The following CDKAL1 variants were observed in gnomAD, a reference collection of about 807,000 sequenced individuals.
CDKAL1 encodes threonylcarbamoyladenosine tRNA methylthiotransferase.
In CDKAL1, 32 loss-of-function variants were observed where a neutral mutation model predicts 68.2. That is an observed-to-expected ratio of 0.47 (90% CI 0.35 to 0.63). The LOEUF is 0.63. Ranked by LOEUF, CDKAL1 falls within the 30% of genes least tolerant of loss-of-function variation. The probability of loss-of-function intolerance (pLI) is 0.00; values close to 1 mark genes in which losing one functional copy is unlikely to be tolerated. For missense variants in CDKAL1, 606 were observed against 696.7 expected, an observed-to-expected ratio of 0.87 and a Z score of 1.47; for synonymous variants, 234 against 244.3, an observed-to-expected ratio of 0.96 and a Z score of 0.39.
chr6:21,145,046 G>T lies in CDKAL1; in HGVS notation c.1299+36583G>T, dbSNP rs375116975. On this transcript the variant is annotated intron_variant, in intron 13 of 15. Coordinates refer to ENST00000274695, the MANE Select transcript of CDKAL1 (RefSeq NM_017774.3). ...CTAGGTGGTCATGTCCCCTTAGGCT[G>T]CCCAGAGCCTTCAGGATTGTAATGT... 7.9e-5 allele frequency among the ~76,000 whole-genome samples: 12 copies of T among 152,258 alleles called. No individual in the cohort carries two copies. In the East Asian group the frequency reaches 2.3e-3, roughly 29 times the overall value.
chr6:21,055,048 G>C (rs1183201689), intron 11 of CDKAL1, among the ~76,000 whole-genome samples: 1 of 152,086 alleles, frequency 6.6e-6, no homozygotes, highest in Non-Finnish European at 1.5e-5. Context: ...TAATGGAAAA[G>C]CATTTTTAAA....
chr6:21,091,201 A>G (rs541515363), intron 12 of CDKAL1, among the ~76,000 whole-genome samples: 1 of 152,354 alleles, frequency 6.6e-6, no homozygotes, highest in South Asian at 2.1e-4. Context: ...TTTTTAGTAC[A>G]GGAGTTATTA....
intron 5 of CDKAL1, among the ~76,000 whole-genome samples, chr6:20,692,162 A>G (rs1281769675): frequency 6.6e-6 from 1 of 152,202 alleles, no homozygotes; most frequent in Admixed American, 6.5e-5. Flanking sequence ...TGAGTAAATC[A>G]GGCTTAATAG....
intron 4 of CDKAL1, among the ~76,000 whole-genome samples, chr6:20,629,838 C>G (rs954219211): frequency 6.6e-6 from 1 of 151,854 alleles, no homozygotes; most frequent in Non-Finnish European, 1.5e-5. Flanking sequence ...GGTGGATGCT[C>G]TTACCCTGCT....
intron 5 of CDKAL1, among the ~76,000 whole-genome samples, chr6:20,737,564 G>GA (rs1773252765): frequency 6.6e-6 from 1 of 152,254 alleles, no homozygotes; most frequent in African/African-American, 2.4e-5. Context: ...TGAAAAACTT[G>GA]ATGTTAACGT....
intron 8 of CDKAL1, among the ~76,000 whole-genome samples, chr6:20,842,507 G>T (rs765497758): frequency 6.6e-6 from 1 of 152,120 alleles, no homozygotes; most frequent in Non-Finnish European, 1.5e-5. Context: ...GGATGAACCC[G>T]TCTTATACAA....
intron 13 of CDKAL1, among the ~76,000 whole-genome samples, chr6:21,141,011 G>T (rs907060357): frequency 2.6e-5 from 4 of 152,046 alleles, no homozygotes; most frequent in African/African-American, 4.8e-5. Flanking sequence ...AGAATAGCAC[G>T]GGAAAGACCA....
At chr6:21,017,448 C>T (rs768571109) in intron 11 of CDKAL1, among the ~76,000 whole-genome samples, 29 of 152,258 alleles carry the variant, frequency 1.9e-4, no homozygotes, top group African/African-American at 6.0e-4. Flanking sequence ...CCAGAACAGC[C>T]GCCTCTTCTA....
chr6:20,670,151 C>G (rs1432257150), intron 5 of CDKAL1, among the ~76,000 whole-genome samples: 1 of 152,092 alleles, frequency 6.6e-6, no homozygotes, highest in Non-Finnish European at 1.5e-5. Context: ...ACAGTGGTTT[C>G]AGAATTACTA....
At position 21,231,433 on chromosome 6, in the gene CDKAL1, T is replaced by C. The variant is rs927498442; in HGVS notation, c.*394T>C. 1 of 154,778 alleles carries C rather than the reference T, an allele frequency of 6.5e-6. No individual in the cohort carries two copies. Among genetic ancestry groups the C allele is most frequent in the Non-Finnish European group, 1.4e-5 (1 of 69,830 alleles). The allele number at this position is 154,778 out of a possible 1,614,324, so 9.6% of individuals were successfully genotyped here. A position where few individuals can be genotyped will look rare whatever the true frequency, so the allele number is the denominator to read the frequency against. ...TCTTTAATAAACTTTTTCTTTGTTT[T>C]TTTTTTCCAGATGGAGTTTCGCTCT... is the stretch of plus-strand genomic sequence containing the variant. On this transcript the variant is annotated 3_prime_UTR_variant, in exon 16 of 16. Transcript: ENST00000274695.
At chr6:21,076,508 A>C (rs150698099) in intron 12 of CDKAL1, among the ~76,000 whole-genome samples, 3 of 152,190 alleles carry the variant, frequency 2.0e-5, no homozygotes, top group Admixed American at 1.3e-4. Flanking sequence ...CAGTGTTTTA[A>C]AGAATATCAG....
At chr6:20,716,547 A>C (rs1028093351) in intron 5 of CDKAL1, among the ~76,000 whole-genome samples, 1 of 131,866 alleles carries the variant, frequency 7.6e-6, no homozygotes, top group Admixed American at 7.2e-5. Context: ...AAAAGAAGAG[A>C]GCAATCGGGT....
chr6:20,870,978 A>T (rs1760180764), intron 9 of CDKAL1, among the ~76,000 whole-genome samples: 1 of 152,182 alleles, frequency 6.6e-6, no homozygotes, highest in Non-Finnish European at 1.5e-5. Context: ...ATTACCCAGG[A>T]AAAATCCAAG....
At chr6:21,130,065 T>G (rs1374234757) in intron 13 of CDKAL1, among the ~76,000 whole-genome samples, 2 of 152,080 alleles carry the variant, frequency 1.3e-5, no homozygotes, top group Non-Finnish European at 2.9e-5. Context: ...TTTGTTGTTG[T>G]TGGTTTTGGG....
chr6:21,130,511 C>T (rs1775259325), intron 13 of CDKAL1, among the ~76,000 whole-genome samples: 2 of 152,194 alleles, frequency 1.3e-5, no homozygotes. Flanking sequence ...AGGCATGAGC[C>T]ACCAAGCCTG....
chr6:21,016,449 TTCTGCTTACTCTGTTTTATTGTA>T (rs1262216367), intron 11 of CDKAL1, among the ~76,000 whole-genome samples: 4 of 152,164 alleles, frequency 2.6e-5, no homozygotes, highest in African/African-American at 9.7e-5. Flanking sequence ...GTAATCTGGT[TTCTGCTTACTCTGTTTTATTGTA>T]TCTGCTCTTG....
intron 9 of CDKAL1, among the ~76,000 whole-genome samples, chr6:20,873,414 A>G (rs906885906): frequency 1.3e-5 from 2 of 152,200 alleles, no homozygotes; most frequent in Admixed American, 1.3e-4. Context: ...GCTGATATAT[A>G]TTGAGGACTT....
intron 11 of CDKAL1, among the ~76,000 whole-genome samples, chr6:21,055,081 T>G (rs1261288058): frequency 2.0e-5 from 3 of 152,166 alleles, no homozygotes; most frequent in African/African-American, 4.8e-5. Flanking sequence ...GTGTTTGATT[T>G]GTCAAAAGTT....
chr6:20,704,965 C>T (rs547738994), intron 5 of CDKAL1, among the ~76,000 whole-genome samples: 1 of 152,270 alleles, frequency 6.6e-6, no homozygotes, highest in East Asian at 1.9e-4. Flanking sequence ...TAACAATTCA[C>T]ATTCAATTAA....
Sources: gnomAD v4.1 joint callset for allele counts (sites outside exome capture counted in the v4.1 genomes callset) on GRCh38, gnomAD v4.1.1 for gene constraint, MANE v1.5 for transcripts, NCBI Gene and HGNC (gene_info 2026-07-23, HGNC 2026-07-21) for gene names.